Variants in TENM3 observed in about 807,000 individuals in gnomAD.
TENM3 encodes the protein teneurin transmembrane protein 3.
A neutral mutation model predicts 255.1 loss-of-function variants in TENM3; 63 were observed. The ratio of observed to expected loss-of-function variants is 0.25; its 90% confidence interval spans 0.20 to 0.30. The LOEUF (loss-of-function observed/expected upper bound fraction) is 0.30, where lower values mean the gene tolerates loss of function less well. Among genes scored for constraint, TENM3 ranks in the 10% least tolerant of loss-of-function variants. The probability of loss-of-function intolerance (pLI) is 1.00; values close to 1 mark genes in which losing one functional copy is unlikely to be tolerated. For missense variants in TENM3, 2,929 were observed against 3,461.1 expected (o/e 0.85, Z 3.86); for synonymous variants, 1,306 against 1,322.3 (o/e 0.99, Z 0.27).
chr4:181,707,636 A>G, the TENM3 span, among the ~76,000 whole-genome samples: 1 of 152,196 alleles, frequency 6.6e-6, no homozygotes, highest in South Asian at 2.1e-4. Flanking sequence ...TTAAATGACC[A>G]AAGGCATCAG....
At chr4:181,944,804 G>T in the TENM3 span, among the ~76,000 whole-genome samples, 2 of 151,994 alleles carry the variant, frequency 1.3e-5, no homozygotes, top group Non-Finnish European at 2.9e-5. Context: ...CCCCAGGCAG[G>T]ACAGACACCA....
the TENM3 span, among the ~76,000 whole-genome samples, chr4:181,620,528 G>A: frequency 9.9e-5 from 15 of 151,924 alleles, no homozygotes; most frequent in African/African-American, 2.9e-4. Flanking sequence ...GGTCAGCCCC[G>A]CATTGTTCAA....
chr4:181,544,084 A>T, the TENM3 span, among the ~76,000 whole-genome samples: 1 of 152,216 alleles, frequency 6.6e-6, no homozygotes, highest in Non-Finnish European at 1.5e-5. Flanking sequence ...GATTGAGAAG[A>T]TTAGTTCATT....
At chr4:182,197,880 G>A (rs1333219199) in intron 1 of TENM3, among the ~76,000 whole-genome samples, 13 of 152,132 alleles carry the variant, frequency 8.5e-5, no homozygotes, top group Admixed American at 2.0e-4. Context: ...CGAGGCGGTC[G>A]GATCACCTGA....
chr4:182,186,658 T>C (rs912828218), intron 1 of TENM3, among the ~76,000 whole-genome samples: 1 of 149,946 alleles, frequency 6.7e-6, no homozygotes, highest in Non-Finnish European at 1.5e-5. Context: ...ATCACTGCAT[T>C]TGTCTTAATT....
At chr4:182,385,426 G>A (rs1267540117) in intron 3 of TENM3, among the ~76,000 whole-genome samples, 6 of 151,850 alleles carry the variant, frequency 4.0e-5, no homozygotes, top group Non-Finnish European at 5.9e-5. Context: ...AACCAAGCCC[G>A]GATAATTTTT....
intron 1 of TENM3, among the ~76,000 whole-genome samples, chr4:182,252,271 C>T (rs180871846): frequency 2.0e-5 from 3 of 152,106 alleles, no homozygotes; most frequent in East Asian, 3.9e-4. Flanking sequence ...AGTATACACA[C>T]GACTTTCTTT....
At chr4:182,544,323 ATTTTTT>A (rs35639483) in intron 3 of TENM3, among the ~76,000 whole-genome samples, 7 of 69,288 alleles carry the variant, frequency 1.0e-4, no homozygotes, top group Non-Finnish European at 1.3e-4. Context: ...AGCATTGTGG[ATTTTTT>A]TTTTTTTTTT....
chr4:181,767,074 A>C, the TENM3 span, among the ~76,000 whole-genome samples: 1 of 130,308 alleles, frequency 7.7e-6, no homozygotes, highest in Non-Finnish European at 1.6e-5. Flanking sequence ...AACAAGGGGA[A>C]ATCCCGTCTC....
intron 2 of TENM3, among the ~76,000 whole-genome samples, chr4:182,340,138 T>C (rs1413485976): frequency 6.6e-6 from 1 of 152,194 alleles, no homozygotes; most frequent in African/African-American, 2.4e-5. Context: ...TTGAAGAAAA[T>C]GCATCTTTTC....
At chr4:181,712,930 G>A in the TENM3 span, among the ~76,000 whole-genome samples, 1 of 152,162 alleles carries the variant, frequency 6.6e-6, no homozygotes, top group South Asian at 2.1e-4. Context: ...GGGCTTCAGG[G>A]TTGATTAATT....
chr4:182,241,565 T>TTGCTATGC (rs1159438894), upstream of TENM3, among the ~76,000 whole-genome samples: 1 of 148,208 alleles, frequency 6.7e-6, no homozygotes, highest in Non-Finnish European at 1.5e-5. Context: ...TGTTGCTCTG[T>TTGCTATGC]TGCTATGCTG....
the TENM3 span, among the ~76,000 whole-genome samples, chr4:181,977,299 C>T: frequency 7.9e-5 from 12 of 152,288 alleles, no homozygotes; most frequent in East Asian, 3.9e-4. Context: ...GCACAGCAAA[C>T]GCTACATTAT....
chr4:182,609,515 A>C (rs1438734641), intron 4 of TENM3, among the ~76,000 whole-genome samples: 1 of 152,184 alleles, frequency 6.6e-6, no homozygotes, highest in Non-Finnish European at 1.5e-5. Flanking sequence ...ACTAAACTTA[A>C]TCAATTCTAT....
chr4:181,984,124 G>A, the TENM3 span, among the ~76,000 whole-genome samples: 1 of 151,922 alleles, frequency 6.6e-6, no homozygotes, highest in Non-Finnish European at 1.5e-5. Flanking sequence ...GCTTCCTGGA[G>A]TCTCTTTAAT....
the TENM3 span, among the ~76,000 whole-genome samples, chr4:181,824,754 GA>G: frequency 4.6e-5 from 7 of 151,264 alleles, no homozygotes; most frequent in African/African-American, 7.3e-5. Flanking sequence ...TACAACAATG[GA>G]AAAAAAATCA....
At chr4:182,534,821 A>T (rs966839830) in intron 3 of TENM3, among the ~76,000 whole-genome samples, 8 of 152,210 alleles carry the variant, frequency 5.3e-5, no homozygotes, top group Admixed American at 2.0e-4. Flanking sequence ...GTGGGATCAG[A>T]TTATGTTTTC....
the TENM3 span, among the ~76,000 whole-genome samples, chr4:181,732,451 A>G: frequency 6.6e-6 from 1 of 152,160 alleles, no homozygotes; most frequent in Admixed American, 6.5e-5. Flanking sequence ...AATTCCAAAC[A>G]AAAAAGGTAG....
At chr4:182,473,562 A>G (rs749925183) in intron 3 of TENM3, among the ~76,000 whole-genome samples, 1 of 152,092 alleles carries the variant, frequency 6.6e-6, no homozygotes, top group South Asian at 2.1e-4. Flanking sequence ...AGTCCCAGCT[A>G]CTCGGGAGGC....
Sources: allele counts gnomAD v4.1 joint callset (sites outside exome capture counted in the v4.1 genomes callset), GRCh38; gene constraint gnomAD v4.1.1; transcripts MANE v1.5; gene names NCBI Gene and HGNC (gene_info 2026-07-23, HGNC 2026-07-21).